TEX14: variants seen among roughly 807,000 people sequenced by gnomAD.
TEX14 encodes the protein testis expressed 14, intercellular bridge forming factor.
Under a neutral mutation model 178.6 loss-of-function variants are expected in TEX14, and 168 were observed. The observed-to-expected ratio is 0.94, with a 90% CI of 0.83 to 1.07. The LOEUF (loss-of-function observed/expected upper bound fraction) is 1.07, where lower values mean the gene tolerates loss of function less well. Among genes scored for constraint, TEX14 ranks in the 50% least tolerant of loss-of-function variants. The probability of loss-of-function intolerance (pLI) is 0.00; values close to 1 mark genes in which losing one functional copy is unlikely to be tolerated. For missense variants in TEX14, 1,730 were observed against 1,753.6 expected (o/e 0.99, Z 0.24); for synonymous variants, 626 against 634.1 (o/e 0.99, Z 0.19).
chr17:58,599,772 G>A (rs543745058), intron 13 of TEX14, 106 bp from the exon 14 acceptor site: 14 of 821,062 alleles, frequency 1.7e-5, no homozygotes, highest in South Asian at 3.6e-5. Context: ...AAAAAAAAAA[G>A]TTTTTTATTT....
At chr17:58,604,828 T>C (rs1013560299) in intron 11 of TEX14, 150 bp downstream of exon 11, 2 of 865,832 alleles carry the variant, frequency 2.3e-6, no homozygotes, top group Non-Finnish European at 3.5e-6. Flanking sequence ...CCCAAAGTGC[T>C]GGGATTACAG....
At chr17:58,618,347 G>A (rs2045923828) in intron 5 of TEX14, among the ~76,000 whole-genome samples, 1 of 152,202 alleles carries the variant, frequency 6.6e-6, no homozygotes. Context: ...CCAGGAAAAG[G>A]AAACTTGCTG....
chr17:58,574,182 C>A lies in TEX14; in HGVS notation c.3383+5G>T. 6.2e-7 allele frequency: 1 copy of A among 1,610,476 alleles called. No individual in the cohort carries two copies. Among genetic ancestry groups the A allele is most frequent in the South Asian group, 1.1e-5 (1 of 90,978 alleles). Reference sequence around the variant, plus strand: ...ATCCCTAGGCATTCTCTTTGGTGATCATACATGTCTTTCTCTTTCAGTTCC... The same window carrying A: ...ATCCCTAGGCATTCTCTTTGGTGATAATACATGTCTTTCTCTTTCAGTTCC... On this transcript the variant is annotated splice_donor_5th_base_variant and intron_variant, in intron 22 of 31. Coordinates refer to ENST00000349033, the MANE Select transcript of TEX14 (RefSeq NM_031272.5).
At chr17:58,587,333 T>C (rs2045002359) in intron 17 of TEX14, among the ~76,000 whole-genome samples, 1 of 152,100 alleles carries the variant, frequency 6.6e-6, no homozygotes, top group South Asian at 2.1e-4. Context: ...TCTTATACAA[T>C]ATACATTTAT....
rs1177255314 is a variant in TEX14 at position 58,574,675 on chromosome 17, CAAAAAAAAAAAAAA to C, written c.3321-440_3321-427del. Among the ~76,000 whole-genome samples, 4 of 43,886 alleles carry C rather than the reference CAAAAAAAAAAAAAA, an allele frequency of 9.1e-5. No homozygotes were observed. The South Asian group carries it at 4.7e-3, about 52-fold the overall frequency. The allele number at this position is 43,886 out of a possible 152,430, so 28.8% of individuals were successfully genotyped here. On this transcript the variant is annotated intron_variant, in intron 21 of 31. Coordinates refer to ENST00000349033, the MANE Select transcript of TEX14 (RefSeq NM_031272.5). ...GGCAGCAAGAATGAGACTCCATCTC[CAAAAAAAAAAAAAA>C]AAAAAAAAAAAAGTGTGAGTTCTGG...
chr17:58,647,822 C>G (rs1243415040), intron 2 of TEX14, among the ~76,000 whole-genome samples: 1 of 151,968 alleles, frequency 6.6e-6, no homozygotes, highest in African/African-American at 2.4e-5. Context: ...CTCAGCCTCC[C>G]AAGTAGCTGG....
chr17:58,584,089 G>A (rs2044891502), intron 19 of TEX14, among the ~76,000 whole-genome samples: 1 of 152,178 alleles, frequency 6.6e-6, no homozygotes, highest in Non-Finnish European at 1.5e-5. Flanking sequence ...CCACTGAGCT[G>A]GGTGCTGAGT....
rs550123904 is a variant in TEX14, at chr17:58,611,258, A to G, written c.1087T>C (p.Phe363Leu). 1 of 1,613,586 alleles carries G rather than the reference A, an allele frequency of 6.2e-7. No homozygotes were observed. The highest frequency in any genetic ancestry group is 1.1e-5 in the South Asian group (1 of 91,058). ...AGGGAGCGGTGGATAAACCCCTGGA[A>G]ATGCAGGTATCTCAGGGCATCAGAT... The part of the protein sequence containing the change: ...QISDALRYLH[F>L]QGFIHRSLSS... Residue 363 changes from phenylalanine to leucine, a missense_variant, in exon 10 of 32, where the codon TTC becomes CTC. Phe to Leu is a conservative substitution (Grantham distance 22). Transcript: ENST00000349033.
intron 3 of TEX14, among the ~76,000 whole-genome samples, chr17:58,627,141 T>G (rs2046164367): frequency 1.3e-5 from 2 of 149,406 alleles, no homozygotes; most frequent in African/African-American, 5.1e-5. Context: ...CTTTAAACTC[T>G]GAGGTCTTCA....
At chr17:58,661,874 G>T (rs1043141886) in intron 1 of TEX14, 7 of 354,852 alleles carry the variant, frequency 2.0e-5, no homozygotes, top group Non-Finnish European at 3.5e-5. Context: ...TGGCTCACAA[G>T]ATTTCTGTGA....
intron 1 of TEX14, among the ~76,000 whole-genome samples, chr17:58,657,493 C>T (rs1405667943): frequency 3.1e-5 from 4 of 129,016 alleles, no homozygotes; most frequent in African/African-American, 5.9e-5. Flanking sequence ...CTGGGCAATA[C>T]GGGAAATGCT....
At chr17:58,581,642 G>A (rs142618829) in intron 19 of TEX14, 5 of 1,613,810 alleles carry the variant, frequency 3.1e-6, no homozygotes, top group South Asian at 2.2e-5. Context: ...AGCAGTCGAG[G>A]AGTAAAAATA....
chr17:58,671,742 C>T (rs1400802934), intron 1 of TEX14, among the ~76,000 whole-genome samples: 4 of 152,108 alleles, frequency 2.6e-5, no homozygotes, highest in Non-Finnish European at 4.4e-5. Flanking sequence ...TTTAAAAACT[C>T]GTTTTCTTGT....
intron 1 of TEX14, chr17:58,661,267 A>G (rs771377359): frequency 2.5e-6 from 2 of 802,610 alleles, no homozygotes; most frequent in Admixed American, 3.4e-5. Context: ...AGTATTTTAT[A>G]AAGTGTTCGC....
intron 5 of TEX14, among the ~76,000 whole-genome samples, chr17:58,618,136 C>A (rs760970830): frequency 3.9e-5 from 6 of 152,164 alleles, no homozygotes; most frequent in Non-Finnish European, 7.3e-5. Flanking sequence ...AAACTCTGAG[C>A]CAGAACAACC....
Position 58,601,878 on chromosome 17 carries a change from C to T in TEX14, c.1606G>A (p.Val536Ile). Residue 536 changes from valine to isoleucine, a missense_variant, in exon 13 of 32, where the codon GTC becomes ATC. By Grantham distance (29) the Val-to-Ile change is conservative. Transcript: ENST00000349033. Reference sequence around the variant, plus strand: ...TGTTCTGAAGTCAGTCCTAGATAGACATTGACATCGGGATGGAGTCCGTAT... The same window carrying T: ...TGTTCTGAAGTCAGTCCTAGATAGATATTGACATCGGGATGGAGTCCGTAT... Reference protein sequence around the residue: ...QRYGLHPDVNVYLGLTSEHPR... With the variant: ...QRYGLHPDVNIYLGLTSEHPR... 1.2e-6 allele frequency: 2 copies of T among 1,613,442 alleles called. No homozygotes were observed. The highest frequency in any genetic ancestry group is 1.3e-5 in the African/African-American group (1 of 74,968).
rs780532737 is a variant in TEX14, at chr17:58,572,121, C to A, written c.3517G>T (p.Val1173Phe). The A allele has an allele frequency of 6.2e-7, 1 of 1,604,116 alleles. No homozygotes were observed. Among genetic ancestry groups the A allele is most frequent in the Non-Finnish European group, 8.5e-7 (1 of 1,171,830 alleles). ...TTATACTGACTGGCAGCTGAAGAAA[C>A]GGACCCTGTTGGAGAAAAGCGGAAG... ...SVSTPLSPGSVSSAASQYKDC... is the reference protein window; with the variant it reads ...SVSTPLSPGSFSSAASQYKDC... The change falls in exon 24 of 32, where the codon GTT becomes TTT. Residue 1173 changes from valine (V) to phenylalanine (F), a missense_variant. By Grantham distance (50) the Val-to-Phe change is conservative (BLOSUM62 -1). Around this residue, in one of 2 missense-constraint regions of TEX14, gnomAD observed 941 missense variants for 1,072.4 expected, o/e 0.88. Transcript: ENST00000349033.
chr17:58,611,298 G>A lies in TEX14; in HGVS notation c.1047C>T (p.His349=). ...GGGCATCAGATATCTGGAGCAGCAG[G>A]TGCACAATCACCTCCATGTGCAGCA... is the stretch of plus-strand genomic sequence containing the variant. ...FPVLHMEVIV[H]LLLQISDALR... Residue 349 remains histidine, a synonymous_variant, in exon 10 of 32, where the codon CAC becomes CAT. Transcript: ENST00000349033. 6.2e-7 allele frequency: 1 copy of A among 1,613,346 alleles called. No homozygotes were observed. The highest frequency in any genetic ancestry group is 1.7e-5 in the Admixed American group (1 of 59,984).
chr17:58,650,430 GA>G (rs532960155), intron 2 of TEX14, among the ~76,000 whole-genome samples: 60 of 150,736 alleles, frequency 4.0e-4, no homozygotes, highest in Non-Finnish European at 7.7e-4. Flanking sequence ...ATTTTGAGGG[GA>G]AAAAAAAACC....
Sources: gnomAD v4.1 joint callset for allele counts (sites outside exome capture counted in the v4.1 genomes callset) on GRCh38, gnomAD v4.1.1 for gene constraint, gnomAD v4.1.1 regional missense constraint, MANE v1.5 for transcripts, NCBI Gene and HGNC (gene_info 2026-07-23, HGNC 2026-07-21) for gene names.